NEDD4L: variants seen among roughly 807,000 people sequenced by gnomAD.
NEDD4L encodes NEDD4 like E3 ubiquitin protein ligase.
A neutral mutation model predicts 148.9 loss-of-function variants in NEDD4L; 54 were observed. That is an observed-to-expected ratio of 0.36 (90% CI 0.29 to 0.45). The LOEUF (loss-of-function observed/expected upper bound fraction) is 0.45, where lower values mean the gene tolerates loss of function less well. NEDD4L is among the 20% of genes least tolerant of loss of function. NEDD4L has a pLI of 1.00. For synonymous variants in NEDD4L, 433 were observed against 440.7 expected (o/e 0.98, Z 0.22); for missense variants, 856 against 1,233.8 (o/e 0.69, Z 4.59).
At chr18:58,108,227 G>A (rs1277201149) in intron 1 of NEDD4L, among the ~76,000 whole-genome samples, 1 of 152,114 alleles carries the variant, frequency 6.6e-6, no homozygotes, top group South Asian at 2.1e-4. Context: ...AAGCTTTGGG[G>A]TGCCTCATGT....
At chr18:58,331,794 GC>G (rs1376909428) in intron 11 of NEDD4L, among the ~76,000 whole-genome samples, 3 of 152,084 alleles carry the variant, frequency 2.0e-5, no homozygotes, top group Non-Finnish European at 4.4e-5. Context: ...ATAAATGATA[GC>G]ACTGCATACA....
intron 12 of NEDD4L, among the ~76,000 whole-genome samples, chr18:58,334,704 A>G (rs1175533535): frequency 6.6e-6 from 1 of 152,180 alleles, no homozygotes; most frequent in Non-Finnish European, 1.5e-5. Context: ...AGTGCATTTA[A>G]GGTTTTTGAA....
intron 1 of NEDD4L, among the ~76,000 whole-genome samples, chr18:58,080,033 T>C (rs2083353224): frequency 6.6e-6 from 1 of 152,150 alleles, no homozygotes. Context: ...GCTCGAGCCA[T>C]CCTCTCACCT....
intron 2 of NEDD4L, among the ~76,000 whole-genome samples, chr18:58,181,071 G>A (rs1834627044): frequency 4.6e-5 from 7 of 152,212 alleles, no homozygotes. Context: ...AGGTATTTAA[G>A]CCATTCTCGA....
At chr18:58,044,787 G>T in intron 1 of NEDD4L, 79 bp downstream of exon 1, 3 of 1,523,506 alleles carry the variant, frequency 2.0e-6, no homozygotes, top group Non-Finnish European at 2.7e-6. Context: ...GAAAGGGGCC[G>T]TCCCCGGGGT....
chr18:58,226,247 C>T (rs1183109021), intron 2 of NEDD4L, among the ~76,000 whole-genome samples: 1 of 152,176 alleles, frequency 6.6e-6, no homozygotes, highest in Non-Finnish European at 1.5e-5. Flanking sequence ...ATTAATTATT[C>T]TGCCCTCTAA....
At chr18:58,142,613 T>C (rs1187368869) in intron 1 of NEDD4L, among the ~76,000 whole-genome samples, 3 of 152,218 alleles carry the variant, frequency 2.0e-5, no homozygotes, top group Admixed American at 6.5e-5. Context: ...TACCTTGCAC[T>C]CTGTTTTGTA....
chr18:58,190,489 C>G (rs1289029197), intron 2 of NEDD4L, among the ~76,000 whole-genome samples: 2 of 152,082 alleles, frequency 1.3e-5, no homozygotes, highest in East Asian at 3.8e-4. Context: ...ATAATTTGAT[C>G]TCATCTTAGG....
At chr18:58,086,333 G>A (rs931387156) in intron 1 of NEDD4L, among the ~76,000 whole-genome samples, 1 of 152,156 alleles carries the variant, frequency 6.6e-6, no homozygotes, top group African/African-American at 2.4e-5. Flanking sequence ...AACTTGGGAA[G>A]AATTCCTAAG....
chr18:58,302,712 G>A lies in NEDD4L; in HGVS notation c.298-13270G>A, dbSNP rs909099600. On this transcript the variant is annotated intron_variant, in intron 5 of 30. Transcript: ENST00000400345. ...TGTACCAGTTTATGAAATAGAACAC[G>A]CAGATGGTCTTAGCCCCATTTTCCA... Among the ~76,000 whole-genome samples the A allele has an allele frequency of 4.6e-5, 7 of 152,298 alleles. No individual in the cohort carries two copies. The East Asian group carries it at 5.8e-4, about 13-fold the overall frequency.
At chr18:58,387,309 G>C in intron 26 of NEDD4L, 130 bp from the exon 27 acceptor site, 1 of 1,053,764 alleles carries the variant, frequency 9.5e-7, no homozygotes, top group African/African-American at 1.6e-5. Flanking sequence ...ACTTGATACT[G>C]TCACTGACAT....
At position 58,234,516 on chromosome 18, in the gene NEDD4L, G is replaced by A. The variant is rs149058022; in HGVS notation, c.123-10911G>A. Reference sequence around the variant, plus strand: ...CTGGCTAAGTTTAAAAAAAAAAATCGTAGAGATAGGGTCTCACTATGTTGC... The same window carrying A: ...CTGGCTAAGTTTAAAAAAAAAAATCATAGAGATAGGGTCTCACTATGTTGC... On this transcript the variant is annotated intron_variant, in intron 2 of 30. Transcript: ENST00000400345. Among the ~76,000 whole-genome samples, 418 of 151,624 alleles carry A rather than the reference G, an allele frequency of 2.8e-3. 1 individual carries two copies. The highest frequency in any genetic ancestry group is 9.5e-3 in the African/African-American group (391 of 41,356).
At chr18:58,328,518 T>G (rs2059511477) in intron 9 of NEDD4L, among the ~76,000 whole-genome samples, 1 of 152,194 alleles carries the variant, frequency 6.6e-6, no homozygotes, top group South Asian at 2.1e-4. Context: ...TTCCTCCAGA[T>G]GACAGCTTTG....
chr18:58,051,526 TAA>T (rs60935347), intron 1 of NEDD4L, among the ~76,000 whole-genome samples: 11,427 of 152,252 alleles, frequency 0.075, 518 homozygotes, highest in African/African-American at 0.13. Flanking sequence ...GTGCGGTGTT[TAA>T]AATGGCATCA....
At chr18:58,049,665 A>G (rs1161594965) in intron 1 of NEDD4L, among the ~76,000 whole-genome samples, 1 of 152,198 alleles carries the variant, frequency 6.6e-6, no homozygotes, top group African/African-American at 2.4e-5. Context: ...ATTCATGAAT[A>G]TAACATGTTG....
chr18:58,206,231 A>G (rs2041972937), intron 2 of NEDD4L, among the ~76,000 whole-genome samples: 1 of 152,136 alleles, frequency 6.6e-6, no homozygotes, highest in African/African-American at 2.4e-5. Context: ...TCTACTAAAA[A>G]TACAAAAATT....
chr18:58,321,446 A>G (rs1017933142), intron 6 of NEDD4L, among the ~76,000 whole-genome samples: 2 of 152,090 alleles, frequency 1.3e-5, no homozygotes, highest in East Asian at 1.9e-4. Context: ...ACAAGGAAGG[A>G]AGAGAGAGAC....
intron 5 of NEDD4L, among the ~76,000 whole-genome samples, chr18:58,259,195 A>G (rs1016579624): frequency 1.3e-5 from 2 of 152,242 alleles, no homozygotes; most frequent in Non-Finnish European, 2.9e-5. Flanking sequence ...GACTAAATCT[A>G]AAATGTAACA....
chr18:58,164,677 G>T (rs961635763), intron 1 of NEDD4L, among the ~76,000 whole-genome samples: 1 of 152,096 alleles, frequency 6.6e-6, no homozygotes, highest in Admixed American at 6.5e-5. Context: ...CACCATGTTG[G>T]CCAGGCTGGT....
Sources: allele counts gnomAD v4.1 joint callset (sites outside exome capture counted in the v4.1 genomes callset), GRCh38; gene constraint gnomAD v4.1.1; transcripts MANE v1.5; gene names NCBI Gene and HGNC (gene_info 2026-07-23, HGNC 2026-07-21).